The following STXBP5L variants were observed in gnomAD, a reference collection of about 807,000 sequenced individuals.
STXBP5L encodes syntaxin binding protein 5L, also known as syntaxin-binding protein 5-like.
A neutral mutation model predicts 144.5 loss-of-function variants in STXBP5L; 65 were observed. The ratio of observed to expected loss-of-function variants is 0.45; its 90% confidence interval spans 0.37 to 0.55. The LOEUF is 0.55. Ranked by LOEUF, STXBP5L falls within the 20% of genes least tolerant of loss-of-function variation. The pLI, the probability that STXBP5L is intolerant of heterozygous loss-of-function variation, is 0.00. For synonymous variants in STXBP5L, 505 were observed against 469.6 expected, an observed-to-expected ratio of 1.08 and a Z score of -0.97; for missense variants, 1,298 against 1,405.5, an observed-to-expected ratio of 0.92 and a Z score of 1.22.
chr3:121,344,208 G>A (rs1160631006), intron 20 of STXBP5L, among the ~76,000 whole-genome samples: 1 of 152,122 alleles, frequency 6.6e-6, no homozygotes, highest in Non-Finnish European at 1.5e-5. Flanking sequence ...GTAGAAAGCT[G>A]AAACTGGATC....
chr3:121,304,302 T>A (rs1488694370), intron 19 of STXBP5L, among the ~76,000 whole-genome samples: 1 of 152,182 alleles, frequency 6.6e-6, no homozygotes, highest in Non-Finnish European at 1.5e-5. Flanking sequence ...TCATCATTTC[T>A]CTTTTGTAAC....
chr3:121,063,687 G>A (rs1218586256), intron 5 of STXBP5L, among the ~76,000 whole-genome samples: 1 of 152,138 alleles, frequency 6.6e-6, no homozygotes, highest in African/African-American at 2.4e-5. Context: ...GAGATGCCTT[G>A]CCCAGCAAGG....
intron 9 of STXBP5L, among the ~76,000 whole-genome samples, chr3:121,195,848 A>G (rs1023854501): frequency 6.6e-5 from 10 of 152,190 alleles, no homozygotes; most frequent in African/African-American, 9.7e-5. Flanking sequence ...GGCACACAGT[A>G]GGATCCAAGC....
At chr3:121,316,774 T>G (rs1175632688) in intron 19 of STXBP5L, among the ~76,000 whole-genome samples, 1 of 152,208 alleles carries the variant, frequency 6.6e-6, no homozygotes, top group African/African-American at 2.4e-5. Flanking sequence ...CAGAGATCTG[T>G]AAAACACCCA....
At chr3:121,174,326 A>G (rs1174994748) in intron 9 of STXBP5L, among the ~76,000 whole-genome samples, 2 of 152,048 alleles carry the variant, frequency 1.3e-5, no homozygotes, top group African/African-American at 4.8e-5. Flanking sequence ...GTATCTATAT[A>G]TTTTCTACAT....
At chr3:121,140,434 T>C (rs1478321671) in intron 7 of STXBP5L, among the ~76,000 whole-genome samples, 1 of 152,142 alleles carries the variant, frequency 6.6e-6, no homozygotes, top group Non-Finnish European at 1.5e-5. Context: ...GATATCTGCA[T>C]TCCCATGTTC....
intron 9 of STXBP5L, among the ~76,000 whole-genome samples, chr3:121,179,824 T>A (rs1341663828): frequency 2.0e-5 from 3 of 152,140 alleles, no homozygotes; most frequent in South Asian, 4.1e-4. Context: ...CTAGAACAAG[T>A]AGAAGAAAGA....
At chr3:121,053,667 C>T (rs1043669034) in intron 5 of STXBP5L, among the ~76,000 whole-genome samples, 1 of 152,188 alleles carries the variant, frequency 6.6e-6, no homozygotes, top group Non-Finnish European at 1.5e-5. Context: ...CCATTCAGGA[C>T]ATAGGCATGG....
chr3:121,181,571 TA>T (rs1490081628), intron 9 of STXBP5L, among the ~76,000 whole-genome samples: 1 of 152,130 alleles, frequency 6.6e-6, no homozygotes, highest in African/African-American at 2.4e-5. Context: ...CCTTCTCTAC[TA>T]AAAATGCAAA....
chr3:121,152,399 T>C (rs2045963357), intron 7 of STXBP5L, 78 bp from the exon 8 acceptor site: 3 of 1,062,058 alleles, frequency 2.8e-6, no homozygotes, highest in Non-Finnish European at 4.1e-6. Context: ...GATTTTACTT[T>C]ATTAACATTA....
chr3:121,239,013 A>G lies in STXBP5L; in HGVS notation c.1227A>G (p.Glu409=), dbSNP rs1448376326. ...ATCCATATCCCATGGACATTCATGA[A>G]TCACCAGTTACATGCACAGCATACT... The part of the protein sequence containing the change: ...FENPYPMDIH[E]SPVTCTAYFA... The change falls in exon 13 of 27, where the codon GAA becomes GAG. Residue 409 remains glutamate (E), a synonymous_variant. Coordinates refer to ENST00000471454, the MANE Select transcript of STXBP5L (RefSeq NM_001308330.2). 1 of 1,609,466 alleles carries G rather than the reference A, an allele frequency of 6.2e-7. No homozygotes were observed. Among genetic ancestry groups the G allele is most frequent in the Non-Finnish European group, 8.5e-7 (1 of 1,177,992 alleles).
chr3:121,002,050 T>A (rs1203135310), intron 3 of STXBP5L, among the ~76,000 whole-genome samples: 2 of 152,204 alleles, frequency 1.3e-5, no homozygotes, highest in Non-Finnish European at 2.9e-5. Flanking sequence ...ACATACTGAT[T>A]TTATTTCCTT....
At chr3:120,909,325 A>G (rs570747772) in intron 1 of STXBP5L, 1 of 382,418 alleles carries the variant, frequency 2.6e-6, no homozygotes, top group African/African-American at 2.2e-5. Flanking sequence ...TGAAAATCTG[A>G]TGTGTGAGGA....
chr3:121,354,541 G>T (rs1307988822), intron 20 of STXBP5L, among the ~76,000 whole-genome samples: 2 of 96,192 alleles, frequency 2.1e-5, no homozygotes, highest in African/African-American at 4.0e-5. Flanking sequence ...CTCTCCATGT[G>T]CTTTGTAGAT....
intron 3 of STXBP5L, among the ~76,000 whole-genome samples, chr3:120,975,510 C>G (rs1454960305): frequency 6.6e-6 from 1 of 152,182 alleles, no homozygotes; most frequent in Non-Finnish European, 1.5e-5. Context: ...TTGACTTCCT[C>G]TTTTCCTAAT....
Position 121,307,963 on chromosome 3 carries a change from T to C in STXBP5L, c.2111-10512T>C, listed in dbSNP as rs932398673. ...AGAGAAAAATGACTTGTCACATACA[T>C]GGAACTCTTACAAGATTAACAGCTC... On this transcript the variant is annotated intron_variant, in intron 19 of 26. Transcript: ENST00000471454. 3.3e-5 allele frequency among the ~76,000 whole-genome samples: 5 copies of C among 152,100 alleles called. No homozygotes were observed. The South Asian group carries it at 1.0e-3, about 31-fold the overall frequency.
At chr3:121,276,164 G>T (rs2050878222) in intron 18 of STXBP5L, among the ~76,000 whole-genome samples, 1 of 107,246 alleles carries the variant, frequency 9.3e-6, no homozygotes, top group African/African-American at 3.4e-5. Context: ...TGATTTATTA[G>T]ATATACTTCT....
intron 22 of STXBP5L, among the ~76,000 whole-genome samples, chr3:121,406,718 CTTGT>C (rs889704000): frequency 6.6e-6 from 1 of 151,790 alleles, no homozygotes; most frequent in Non-Finnish European, 1.5e-5. Flanking sequence ...GAAATTTCTT[CTTGT>C]TTGATTTTGA....
At chr3:121,240,858 G>A (rs1319180285) in intron 14 of STXBP5L, among the ~76,000 whole-genome samples, 2 of 152,096 alleles carry the variant, frequency 1.3e-5, no homozygotes, top group African/African-American at 2.4e-5. Context: ...GTATCTGTAC[G>A]AGATGGTTAT....
Sources: gnomAD v4.1 joint callset for allele counts (sites outside exome capture counted in the v4.1 genomes callset) on GRCh38, gnomAD v4.1.1 for gene constraint, MANE v1.5 for transcripts, NCBI Gene and HGNC (gene_info 2026-07-23, HGNC 2026-07-21) for gene names.